The following SLC2A12 variants were observed in gnomAD, a reference collection of about 807,000 sequenced individuals.
The protein encoded by SLC2A12 is solute carrier family 2 member 12.
SLC2A12 carries 23 observed loss-of-function variants against 41.8 expected under a neutral mutation model. The observed-to-expected ratio is 0.55, with a 90% CI of 0.40 to 0.78. SLC2A12 has a LOEUF of 0.78. SLC2A12 is among the 30% of genes least tolerant of loss of function. The pLI, the probability that SLC2A12 is intolerant of heterozygous loss-of-function variation, is 0.00. For synonymous variants in SLC2A12, 295 were observed against 285.9 expected (o/e 1.03, Z -0.32); for missense variants, 654 against 745.6 (o/e 0.88, Z 1.43).
At chr6:133,999,742 G>T (rs1776733359) in intron 4 of SLC2A12, among the ~76,000 whole-genome samples, 1 of 152,164 alleles carries the variant, frequency 6.6e-6, no homozygotes, top group African/African-American at 2.4e-5. Context: ...AGCAAGCAGA[G>T]GCACCACCCA....
Position 134,029,315 on chromosome 6 carries a change from C to A in SLC2A12, c.510G>T (p.Leu170=), listed in dbSNP as rs375150829. The part of the protein sequence containing the change: ...PQHRRGLLVS[L]NELMIVIGIL... ...TGCCGATGACAATCATCAGCTCATT[C>A]AGTGACACAAGAAGGCCTCTTCTGT... Residue 170 remains leucine, a synonymous_variant, in exon 2 of 5, where the codon CTG becomes CTT. Coordinates refer to ENST00000275230, the MANE Select transcript of SLC2A12 (RefSeq NM_145176.3). 152 of 1,614,068 alleles carry A rather than the reference C, an allele frequency of 9.4e-5. No individual in the cohort carries two copies. The highest frequency in any genetic ancestry group is 1.3e-4 in the Non-Finnish European group (149 of 1,180,050).
intron 4 of SLC2A12, among the ~76,000 whole-genome samples, chr6:134,001,551 G>A (rs561120400): frequency 2.8e-4 from 43 of 151,850 alleles, no homozygotes; most frequent in Non-Finnish European, 4.6e-4. Context: ...TTTTTGTTTC[G>A]TATAAAAGGA....
intron 1 of SLC2A12, among the ~76,000 whole-genome samples, chr6:134,043,696 G>A (rs1374816420): frequency 6.7e-6 from 1 of 150,290 alleles, no homozygotes; most frequent in Non-Finnish European, 1.5e-5. Context: ...GGAGGCTGAG[G>A]CAGAAGAATC....
chr6:134,015,404 G>A (rs1437784269), intron 2 of SLC2A12, among the ~76,000 whole-genome samples: 1 of 152,024 alleles, frequency 6.6e-6, no homozygotes, highest in Non-Finnish European at 1.5e-5. Context: ...TGCAGCAAAC[G>A]ACCATGGCAC....
chr6:134,022,374 T>C (rs1777051760), intron 2 of SLC2A12, among the ~76,000 whole-genome samples: 1 of 151,992 alleles, frequency 6.6e-6, no homozygotes, highest in Non-Finnish European at 1.5e-5. Flanking sequence ...CTACTAAAAA[T>C]ACAAAAATTA....
intron 1 of SLC2A12, among the ~76,000 whole-genome samples, chr6:134,031,393 CA>C (rs1777204361): frequency 1.4e-5 from 2 of 146,150 alleles, no homozygotes; most frequent in Non-Finnish European, 3.0e-5. Flanking sequence ...CTCCATCTCA[CA>C]AAAAAACAAA....
intron 3 of SLC2A12, among the ~76,000 whole-genome samples, chr6:134,002,968 A>G (rs1315995126): frequency 6.6e-6 from 1 of 152,176 alleles, no homozygotes; most frequent in African/African-American, 2.4e-5. Flanking sequence ...TGAGGCTGCC[A>G]TTTGCATTGT....
chr6:134,038,407 G>A (rs1207614810), intron 1 of SLC2A12, among the ~76,000 whole-genome samples: 1 of 137,418 alleles, frequency 7.3e-6, no homozygotes, highest in Non-Finnish European at 1.5e-5. Flanking sequence ...TGGTGCCCAG[G>A]CTGGAGTGTA....
At chr6:134,038,045 A>G (rs778730696) in intron 1 of SLC2A12, among the ~76,000 whole-genome samples, 1 of 152,072 alleles carries the variant, frequency 6.6e-6, no homozygotes, top group South Asian at 2.1e-4. Flanking sequence ...TCTCCTCAGC[A>G]CACAGTGAAA....
At chr6:134,033,452 A>T (rs1266122873) in intron 1 of SLC2A12, among the ~76,000 whole-genome samples, 2 of 152,030 alleles carry the variant, frequency 1.3e-5, no homozygotes, top group East Asian at 3.9e-4. Context: ...ATATTGTATT[A>T]TTCTTATCTC....
chr6:134,014,310 T>C (rs1776927173), intron 2 of SLC2A12, among the ~76,000 whole-genome samples: 1 of 152,146 alleles, frequency 6.6e-6, no homozygotes, highest in Non-Finnish European at 1.5e-5. Context: ...TGCTCACCCA[T>C]AGCTCACCTC....
At chr6:133,997,321 A>T (rs1776708780) in intron 4 of SLC2A12, among the ~76,000 whole-genome samples, 1 of 152,154 alleles carries the variant, frequency 6.6e-6, no homozygotes, top group Non-Finnish European at 1.5e-5. Flanking sequence ...CCCAAAGGAA[A>T]ATGAATCATT....
At chr6:134,014,094 G>A (rs1377300615) in intron 2 of SLC2A12, among the ~76,000 whole-genome samples, 3 of 152,182 alleles carry the variant, frequency 2.0e-5, no homozygotes, top group Admixed American at 6.5e-5. Context: ...TTTGGCACCA[G>A]GGACTGGTTT....
Position 134,006,450 on chromosome 6 carries a change from T to C in SLC2A12, c.1567+362A>G, listed in dbSNP as rs555665026. ...TGTATAAAAAGCAATTATAAGACAA[T>C]TAAAACATGAACACAGACTAGGTGT... On this transcript the variant is annotated intron_variant, in intron 3 of 4. Transcript: ENST00000275230. Among the ~76,000 whole-genome samples, 17 of 152,264 alleles carry C rather than the reference T, an allele frequency of 1.1e-4. No homozygotes were observed. In the South Asian group the frequency reaches 2.9e-3, roughly 26 times the overall value.
chr6:134,021,561 ATAT>A (rs1458581289), intron 2 of SLC2A12, among the ~76,000 whole-genome samples: 1 of 152,226 alleles, frequency 6.6e-6, no homozygotes, highest in Non-Finnish European at 1.5e-5. Flanking sequence ...AAGCACTCTC[ATAT>A]ACATTAGATC....
intron 1 of SLC2A12, among the ~76,000 whole-genome samples, chr6:134,040,058 G>T (rs78880806): frequency 2.7e-4 from 38 of 139,356 alleles, no homozygotes; most frequent in African/African-American, 4.9e-4. Context: ...GTTGTTTTTT[G>T]TTTTTTTTTT....
chr6:134,032,448 A>T (rs1485353949), intron 1 of SLC2A12, among the ~76,000 whole-genome samples: 4 of 35,144 alleles, frequency 1.1e-4, no homozygotes, highest in African/African-American at 5.4e-4. Context: ...ATATATATAT[A>T]AATATATATA....
At chr6:134,046,604 C>T (rs1000985575) in intron 1 of SLC2A12, among the ~76,000 whole-genome samples, 1 of 151,980 alleles carries the variant, frequency 6.6e-6, no homozygotes, top group Non-Finnish European at 1.5e-5. Context: ...AGTTCGAGAC[C>T]AGCCTGGGCA....
In SLC2A12 at chr6:134,044,833, C is replaced by T. The variant is rs540711135; in HGVS notation, c.103+7545G>A. ...AATATGTATTTGCAGAAGTAAAATG[C>T]TCTTTAGTTCAGCAATCGCTTCTTT... On this transcript the variant is annotated intron_variant, in intron 1 of 4. Transcript: ENST00000275230. 9.2e-5 allele frequency among the ~76,000 whole-genome samples: 14 copies of T among 151,612 alleles called. No homozygotes were observed. In the South Asian group the frequency reaches 2.7e-3, roughly 29 times the overall value.
Sources: gnomAD v4.1 joint callset for allele counts (sites outside exome capture counted in the v4.1 genomes callset) on GRCh38, gnomAD v4.1.1 for gene constraint, MANE v1.5 for transcripts, NCBI Gene and HGNC (gene_info 2026-07-23, HGNC 2026-07-21) for gene names.